Variants in CADM2 observed in about 807,000 individuals in gnomAD.
CADM2 encodes immunoglobulin superfamily member 4D.
In CADM2, 12 loss-of-function variants were observed where a neutral mutation model predicts 49.8. The ratio of observed to expected loss-of-function variants is 0.24; its 90% CI spans 0.15 to 0.39. CADM2 has a LOEUF of 0.39. CADM2 is among the 10% of genes least tolerant of loss of function. CADM2 has a pLI of 1.00. For synonymous variants in CADM2, 214 were observed against 175.4 expected, an observed-to-expected ratio of 1.22 and a Z score of -1.74; for missense variants, 378 against 492.3, an observed-to-expected ratio of 0.77 and a Z score of 2.20.
chr3:85,633,533 A>G (rs1485601144), intron 1 of CADM2, among the ~76,000 whole-genome samples: 1 of 152,040 alleles, frequency 6.6e-6, no homozygotes, highest in African/African-American at 2.4e-5. Context: ...GCCCCTCACA[A>G]ACCAATTAGA....
At chr3:85,532,523 G>A (rs2061337784) in intron 1 of CADM2, among the ~76,000 whole-genome samples, 2 of 151,936 alleles carry the variant, frequency 1.3e-5, no homozygotes, top group African/African-American at 2.4e-5. Flanking sequence ...CTCCACTCTA[G>A]TTACTCAAAA....
intron 1 of CADM2, among the ~76,000 whole-genome samples, chr3:84,987,709 A>G (rs2032653967): frequency 6.6e-6 from 1 of 152,128 alleles, no homozygotes; most frequent in South Asian, 2.1e-4. Flanking sequence ...GTGATTATTG[A>G]TGTGTGTTTA....
At chr3:86,033,025 A>C (rs1734732715) in intron 8 of CADM2, among the ~76,000 whole-genome samples, 1 of 151,708 alleles carries the variant, frequency 6.6e-6, no homozygotes, top group African/African-American at 2.4e-5. Context: ...AACAATCAAA[A>C]CCTTTCCCCA....
intron 3 of CADM2, among the ~76,000 whole-genome samples, chr3:85,810,800 C>G (rs1263640794): frequency 6.6e-6 from 1 of 152,002 alleles, no homozygotes; most frequent in African/African-American, 2.4e-5. Context: ...TCAGCCTCCC[C>G]AAGTGCTGGG....
At position 85,231,091 on chromosome 3, in the gene CADM2, A is replaced by G. The variant is rs113210190; in HGVS notation, c.61+271423A>G. Among the ~76,000 whole-genome samples, 1,058 of 152,148 alleles carry G rather than the reference A, an allele frequency of 7.0e-3. 9 individuals carry two copies. Among genetic ancestry groups the G allele is most frequent in the African/African-American group, 0.023 (968 of 41,504 alleles). On this transcript the variant is annotated intron_variant, in intron 1 of 9. Coordinates refer to ENST00000383699, the MANE Select transcript of CADM2 (RefSeq NM_001167675.2). ...GGCCTGCATATTGTCTGTGTCCTAA[A>G]TCTCTTCTTCTTATGAAGACACCAG...
intron 1 of CADM2, among the ~76,000 whole-genome samples, chr3:85,042,278 A>G (rs981080296): frequency 1.3e-5 from 2 of 152,164 alleles, no homozygotes; most frequent in African/African-American, 2.4e-5. Context: ...AGTCGTCTTG[A>G]GCATGAAAGC....
chr3:86,020,491 G>A (rs1448893312), intron 8 of CADM2, among the ~76,000 whole-genome samples: 3 of 151,696 alleles, frequency 2.0e-5, no homozygotes, highest in Admixed American at 6.6e-5. Flanking sequence ...ATTTTATGAG[G>A]CCAGCATCAT....
chr3:85,682,192 C>T (rs1019445637), intron 1 of CADM2, among the ~76,000 whole-genome samples: 2 of 152,004 alleles, frequency 1.3e-5, no homozygotes, highest in African/African-American at 4.8e-5. Flanking sequence ...ATTGAATGAG[C>T]ACTACAAAGC....
chr3:85,517,744 G>T, intron 1 of CADM2, among the ~76,000 whole-genome samples: 1 of 152,146 alleles, frequency 6.6e-6, no homozygotes, highest in East Asian at 1.9e-4. Flanking sequence ...TAATTATTTA[G>T]AAAGCAGCTT....
intron 8 of CADM2, among the ~76,000 whole-genome samples, chr3:85,980,003 A>G (rs537597192): frequency 6.4e-4 from 97 of 151,626 alleles, no homozygotes; most frequent in African/African-American, 2.3e-3. Flanking sequence ...TGAGAAATAT[A>G]AAAAGTATTC....
intron 1 of CADM2, among the ~76,000 whole-genome samples, chr3:85,343,756 G>C (rs2030217712): frequency 6.6e-6 from 1 of 152,164 alleles, no homozygotes; most frequent in Non-Finnish European, 1.5e-5. Context: ...GAGCCACAGG[G>C]GAAAGCTTCA....
At chr3:85,901,029 T>C (rs1198512507) in intron 5 of CADM2, among the ~76,000 whole-genome samples, 1 of 152,128 alleles carries the variant, frequency 6.6e-6, no homozygotes, top group Non-Finnish European at 1.5e-5. Context: ...TTACCCTGTG[T>C]CTATGAAAAA....
At chr3:85,830,975 AC>A (rs1427238082) in intron 3 of CADM2, among the ~76,000 whole-genome samples, 1 of 151,512 alleles carries the variant, frequency 6.6e-6, no homozygotes, top group Non-Finnish European at 1.5e-5. Context: ...TAGCTTTTCA[AC>A]CCTCGCTCCC....
chr3:85,253,276 A>G (rs954127528), intron 1 of CADM2, among the ~76,000 whole-genome samples: 1 of 152,084 alleles, frequency 6.6e-6, no homozygotes, highest in African/African-American at 2.4e-5. Context: ...ACATACAACT[A>G]TCTTTAAAAT....
intron 1 of CADM2, among the ~76,000 whole-genome samples, chr3:85,518,681 G>T (rs2106883622): frequency 6.6e-6 from 1 of 152,118 alleles, no homozygotes; most frequent in African/African-American, 2.4e-5. Flanking sequence ...GCATTCCCTG[G>T]CTTATGGCTG....
At chr3:85,315,928 T>C (rs1239208359) in intron 1 of CADM2, among the ~76,000 whole-genome samples, 1 of 152,112 alleles carries the variant, frequency 6.6e-6, no homozygotes, top group Non-Finnish European at 1.5e-5. Context: ...CCTATGTGTA[T>C]TATTAAAAGC....
Position 85,541,775 on chromosome 3 carries a change from T to TATATATATATATATA in CADM2, c.62-184747_62-184746insATATATATATATATA, listed in dbSNP as rs1559897737. The stretch of plus-strand genomic sequence containing the variant: ...ATATTTTATATATATATTTTATATT[T>TATATATATATATATA]TATATATATATATATATATGTATAG... On this transcript the variant is annotated intron_variant, in intron 1 of 9. Transcript: ENST00000383699. Among the ~76,000 whole-genome samples, 220 of 88,296 alleles carry TATATATATATATATA rather than the reference T, an allele frequency of 2.5e-3. 10 individuals are homozygous for TATATATATATATATA. The highest frequency in any genetic ancestry group is 6.6e-3 in the African/African-American group (203 of 30,722). 57.9% of individuals were successfully genotyped at this position (88,296 alleles called of 152,430 possible).
chr3:85,554,976 A>C (rs1177872411), intron 1 of CADM2, among the ~76,000 whole-genome samples: 1 of 151,386 alleles, frequency 6.6e-6, no homozygotes, highest in African/African-American at 2.4e-5. Context: ...TTGGCCTCAC[A>C]AAGTGTTGGA....
chr3:85,381,737 A>G (rs2033921975), intron 1 of CADM2, among the ~76,000 whole-genome samples: 1 of 151,972 alleles, frequency 6.6e-6, no homozygotes, highest in African/African-American at 2.4e-5. Context: ...CTGTCATCTT[A>G]ACTTTCACCA....
Sources: allele counts gnomAD v4.1 joint callset (sites outside exome capture counted in the v4.1 genomes callset), GRCh38; gene constraint gnomAD v4.1.1; transcripts MANE v1.5; gene names NCBI Gene and HGNC (gene_info 2026-07-23, HGNC 2026-07-21).